The following POLR3A variants were observed in gnomAD, a reference collection of about 807,000 sequenced individuals.
The protein encoded by POLR3A is DNA-directed RNA polymerase III subunit RPC1.
Under a neutral mutation model 152.8 loss-of-function variants are expected in POLR3A, and 112 were observed. The ratio of observed to expected loss-of-function variants is 0.73; its 90% confidence interval spans 0.63 to 0.86. The LOEUF (loss-of-function observed/expected upper bound fraction) is 0.86. POLR3A is among the 40% of genes least tolerant of loss of function. The pLI, the probability that POLR3A is intolerant of heterozygous loss-of-function variation, is 0.00. For missense variants in POLR3A, 1,385 were observed against 1,743.1 expected (o/e 0.79, Z 3.66); for synonymous variants, 615 against 652.1 (o/e 0.94, Z 0.87).
intron 14 of POLR3A, among the ~76,000 whole-genome samples, chr10:78,008,109 C>A (rs1239379566): frequency 6.6e-6 from 1 of 151,934 alleles, no homozygotes; most frequent in Admixed American, 6.6e-5. Flanking sequence ...TACCAGTTGA[C>A]CCTCACTCTC....
intron 19 of POLR3A, among the ~76,000 whole-genome samples, chr10:77,998,705 A>T (rs893405934): frequency 2.0e-5 from 3 of 152,340 alleles, no homozygotes; most frequent in African/African-American, 7.2e-5. Flanking sequence ...TGTTGGTGGG[A>T]CTGTAAACTA....
In POLR3A at chr10:78,029,514, G is replaced by A; in HGVS notation, c.-107C>T. ...TTCTGGACTCGCCGCTAACACATCT[G>A]CGGCATCCTCTCGGCCACCGTAGAG... On this transcript the variant is annotated 5_prime_UTR_variant, in exon 1 of 31. Coordinates refer to ENST00000372371, the MANE Select transcript of POLR3A (RefSeq NM_007055.4). The A allele has an allele frequency of 1.8e-6, 2 of 1,115,036 alleles. No homozygotes were observed. The highest frequency in any genetic ancestry group is 2.7e-6 in the Non-Finnish European group (2 of 742,348). 69.1% of individuals were successfully genotyped at this position (1,115,036 alleles called of 1,614,324 possible).
rs1223926854 is a variant in POLR3A, at chr10:78,001,029, C to G, written c.2425G>C (p.Val809Leu). 6.2e-7 allele frequency: 1 copy of G among 1,612,626 alleles called. No individual in the cohort carries two copies. Among genetic ancestry groups the G allele is most frequent in the Non-Finnish European group, 8.5e-7 (1 of 1,178,912 alleles). ...GACCTGTTTTCAAAGCCGTCTGGCA[C>G]TCGAGAGCCACTGATGGCCTGCTGT... Reference protein sequence around the residue: ...VGQQAISGSRVPDGFENRSLP... With the variant: ...VGQQAISGSRLPDGFENRSLP... The change falls in exon 18 of 31, where the codon GTG becomes CTG. Residue 809 changes from valine to leucine, a missense_variant. By Grantham distance (32) the Val-to-Leu change is conservative. Around this residue, in one of 7 missense-constraint regions of POLR3A, gnomAD observed 170 missense variants for 231.2 expected, o/e 0.74. Coordinates refer to ENST00000372371, the MANE Select transcript of POLR3A (RefSeq NM_007055.4).
Position 78,021,557 on chromosome 10 carries a change from A to G in POLR3A, c.1174T>C (p.Phe392Leu). 6.2e-7 allele frequency: 1 copy of G among 1,614,060 alleles called. No homozygotes were observed. Among genetic ancestry groups the G allele is most frequent in the Non-Finnish European group, 8.5e-7 (1 of 1,179,962 alleles). Residue 392 changes from phenylalanine (F) to leucine (L), a missense_variant, in exon 8 of 31, where the codon TTT becomes CTT. By Grantham distance (22) the Phe-to-Leu change is conservative. Coordinates refer to ENST00000372371, the MANE Select transcript of POLR3A (RefSeq NM_007055.4). ...GAGTGGTCACTTACCTTCTCAGGAAAAGTTAGAATTTTGGCCACATGAACT... is the reference window on the plus strand; with the variant it reads ...GAGTGGTCACTTACCTTCTCAGGAAGAGTTAGAATTTTGGCCACATGAACT... The part of the protein sequence containing the change: ...VPVHVAKILT[F>L]PEKVNKANIN...
chr10:77,978,929 TG>T lies in POLR3A; in HGVS notation c.4024+1211del, dbSNP rs558507563. Among the ~76,000 whole-genome samples the T allele has an allele frequency of 3.5e-3, 529 of 152,250 alleles. 3 individuals carry two copies. The highest frequency in any genetic ancestry group is 0.012 in the African/African-American group (516 of 41,548). The stretch of plus-strand genomic sequence containing the variant: ...CACCCGCCTTGGCCTCCCAAAGTGC[TG>T]GGATTACAGGCGTGAGCCACCGCGC... On this transcript the variant is annotated intron_variant, in intron 30 of 30. Transcript: ENST00000372371.
At position 78,007,712 on chromosome 10, in the gene POLR3A, A is replaced by G. The variant is rs1030182132; in HGVS notation, c.2064T>C (p.Pro688=). 1 of 1,613,884 alleles carries G rather than the reference A, an allele frequency of 6.2e-7. No homozygotes were observed. The highest frequency in any genetic ancestry group is 1.7e-5 in the Admixed American group (1 of 60,022). The change falls in exon 15 of 31, where the codon CCT becomes CCC. Residue 688 remains proline (P), a synonymous_variant. Coordinates refer to ENST00000372371, the MANE Select transcript of POLR3A (RefSeq NM_007055.4). ...DAMSRLARLA[P]VYLSNRGFSI... is the part of the protein sequence containing the mutation. ...TGCTGAGATACTTACACAGGTAGACAGGAGCCAGCCTGGCGAGCCGTGACA... is the reference window on the plus strand; with the variant it reads ...TGCTGAGATACTTACACAGGTAGACGGGAGCCAGCCTGGCGAGCCGTGACA...
At chr10:77,990,323 G>C (rs1298538337) in intron 21 of POLR3A, among the ~76,000 whole-genome samples, 3 of 152,076 alleles carry the variant, frequency 2.0e-5, no homozygotes, top group Non-Finnish European at 4.4e-5. Flanking sequence ...TACAGCAAAA[G>C]AAAGAGCAGT....
At position 77,982,656 on chromosome 10, in the gene POLR3A, G is replaced by A; in HGVS notation, c.3591C>T (p.Pro1197=). The A allele has an allele frequency of 1.2e-6, 2 of 1,612,762 alleles. No individual in the cohort carries two copies. The highest frequency in any genetic ancestry group is 2.2e-5 in the East Asian group (1 of 44,882). Residue 1197 remains proline (P), a synonymous_variant, in exon 27 of 31, where the codon CCC becomes CCT. Coordinates refer to ENST00000372371, the MANE Select transcript of POLR3A (RefSeq NM_007055.4). ...TGAGAAGCGACTTCTGTTTCACCTT[G>A]GGGAGATCCTCTTTCAGGAACTGCA... ...YVLQFLKEDL[P]KVVVQGIPEV...
At chr10:78,004,188 C>T (rs937141723) in intron 16 of POLR3A, among the ~76,000 whole-genome samples, 4 of 151,586 alleles carry the variant, frequency 2.6e-5, no homozygotes, top group African/African-American at 7.3e-5. Context: ...GAGCCAAGAT[C>T]GTACCACTGC....
rs2131949233 is a variant in POLR3A at position 78,009,585 on chromosome 10, C to T, written c.1861G>A (p.Gly621Ser). Residue 621 changes from glycine (G) to serine (S), a missense_variant, in exon 14 of 31, where the codon GGC becomes AGC. Coordinates refer to ENST00000372371, the MANE Select transcript of POLR3A (RefSeq NM_007055.4). ...NPVRANLRTK[G>S]KQYCGKGEDL... ...TCCCCTTTGCCACAGTACTGCTTGC[C>T]CTTGGTTCGCAGGTTGGCCCTCACT... 6.2e-7 allele frequency: 1 copy of T among 1,614,198 alleles called. No individual in the cohort carries two copies. The highest frequency in any genetic ancestry group is 2.2e-5 in the East Asian group (1 of 44,880).
At position 77,981,632 on chromosome 10, in the gene POLR3A, C is replaced by T. The variant is rs1847143514; in HGVS notation, c.3760-73G>A. 11 of 1,554,532 alleles carry T rather than the reference C, an allele frequency of 7.1e-6. No homozygotes were observed. The South Asian group carries it at 1.2e-4, about 17-fold the overall frequency. ...CTGCAAATTCTCTCCACTTTCTCCT[C>T]TGCCCTGCAGTTTCAAAGCAAACCC... On this transcript the variant is annotated intron_variant, in intron 28 of 30. Transcript: ENST00000372371.
intron 1 of POLR3A, among the ~76,000 whole-genome samples, chr10:78,028,907 G>A (rs1024286969): frequency 2.0e-5 from 3 of 152,170 alleles, no homozygotes; most frequent in East Asian, 1.9e-4. Flanking sequence ...ACTGCCATCC[G>A]TCGGCCTGTG....
intron 17 of POLR3A, 35 bp from the exon 18 acceptor site, chr10:78,001,129 A>G (rs751926440): frequency 4.4e-6 from 5 of 1,128,944 alleles, no homozygotes; most frequent in Non-Finnish European, 6.8e-6. Context: ...ACATTCATTT[A>G]CCAAAATAAC....
At chr10:77,995,338 A>G (rs1175586058) in intron 19 of POLR3A, among the ~76,000 whole-genome samples, 1 of 152,234 alleles carries the variant, frequency 6.6e-6, no homozygotes, top group Non-Finnish European at 1.5e-5. Flanking sequence ...AATGGGCTAA[A>G]TGCTCCAATT....
At chr10:77,980,563 T>A (rs1393880669) in intron 29 of POLR3A, among the ~76,000 whole-genome samples, 1 of 151,794 alleles carries the variant, frequency 6.6e-6, no homozygotes, top group Non-Finnish European at 1.5e-5. Context: ...AAGAGATTTC[T>A]TATGGCTCAA....
At chr10:77,983,304 C>T (rs1401639526) in intron 26 of POLR3A, among the ~76,000 whole-genome samples, 1 of 152,220 alleles carries the variant, frequency 6.6e-6, no homozygotes, top group Non-Finnish European at 1.5e-5. Flanking sequence ...TTTGAGTCAA[C>T]TGTTATATGG....
rs995590193 is a variant in POLR3A, at chr10:77,993,326, A to T, written c.2658T>A (p.Tyr886Ter). ...VKSLEDLCSQYDLTVRSSTGD... is the reference protein window; with the variant it reads ...VKSLEDLCSQ The stretch of plus-strand genomic sequence containing the variant: ...CAGTAGAGCTTCGGACTGTCAGATC[A>T]TACTGGGAGCAAAGATCTTCAAGAG... Residue 886 changes from tyrosine (Y) to a stop codon, truncating the protein, a stop_gained, in exon 20 of 31, where the codon TAT becomes TAA. Coordinates refer to ENST00000372371, the MANE Select transcript of POLR3A (RefSeq NM_007055.4). LOFTEE classifies it high-confidence loss of function. The T allele has an allele frequency of 1.9e-6, 3 of 1,613,510 alleles. No individual in the cohort carries two copies. Among genetic ancestry groups the T allele is most frequent in the Non-Finnish European group, 2.5e-6 (3 of 1,179,400 alleles).
chr10:78,024,673 A>G lies in POLR3A; in HGVS notation c.521T>C (p.Ile174Thr). The G allele has an allele frequency of 6.2e-7, 1 of 1,613,876 alleles. No individual in the cohort carries two copies. The highest frequency in any genetic ancestry group is 8.5e-7 in the Non-Finnish European group (1 of 1,179,804). Reference protein sequence around the residue: ...GTVKKCGLLKIIHEKYKTNKK... With the variant: ...GTVKKCGLLKTIHEKYKTNKK... ...GTTGGTCTTGTATTTCTCATGAATT[A>G]TTTTCAGCAGTCCACACTTCTTTAC... The change falls in exon 5 of 31, where the codon ATA becomes ACA. Residue 174 changes from isoleucine (I) to threonine (T), a missense_variant. By Grantham distance (89) the Ile-to-Thr change is moderately conservative (BLOSUM62 -1). Coordinates refer to ENST00000372371, the MANE Select transcript of POLR3A (RefSeq NM_007055.4).
Position 78,025,692 on chromosome 10 carries a change from T to C in POLR3A, c.248A>G (p.Tyr83Cys). The C allele has an allele frequency of 3.7e-6, 6 of 1,613,810 alleles. No homozygotes were observed. Among genetic ancestry groups the C allele is most frequent in the African/African-American group, 1.3e-5 (1 of 74,992 alleles). The stretch of plus-strand genomic sequence containing the variant: ...CGGCAACTCCAGGTCGATATACCCA[T>C]AGTGGCCTAGACAGTCAGCCAAGTT... ...GKNLADCLGHYGYIDLELPCF... is the reference protein window; with the variant it reads ...GKNLADCLGHCGYIDLELPCF... The change falls in exon 3 of 31, where the codon TAT becomes TGT. Residue 83 changes from tyrosine to cysteine, a missense_variant. Tyr to Cys is a radical substitution (Grantham distance 194). This residue lies in a region of POLR3A where 493 missense variants were observed against 647.5 expected (regional missense o/e 0.76). Transcript: ENST00000372371.
Sources: allele counts gnomAD v4.1 joint callset (sites outside exome capture counted in the v4.1 genomes callset), GRCh38; gene constraint gnomAD v4.1.1; regional missense constraint gnomAD v4.1.1; transcripts MANE v1.5; gene names NCBI Gene and HGNC (gene_info 2026-07-23, HGNC 2026-07-21).